C13orf46: variants seen among roughly 807,000 people sequenced by gnomAD.
C13orf46 encodes uncharacterized protein C13orf46.
intron 6 of C13orf46, among the ~76,000 whole-genome samples, chr13:113,963,039 A>C (rs1268408346): frequency 1.3e-5 from 2 of 152,190 alleles, no homozygotes; most frequent in Non-Finnish European, 2.9e-5. Flanking sequence ...TAGCGCAGGT[A>C]GGGCTGTCAT....
the C13orf46 span, among the ~76,000 whole-genome samples, chr13:113,938,391 A>C: frequency 6.6e-6 from 1 of 152,162 alleles, no homozygotes; most frequent in Non-Finnish European, 1.5e-5. Flanking sequence ...CTGGTGGAGA[A>C]GCCACTGCTT....
At chr13:113,939,097 G>C in the C13orf46 span, among the ~76,000 whole-genome samples, 1 of 152,146 alleles carries the variant, frequency 6.6e-6, no homozygotes, top group African/African-American at 2.4e-5. Flanking sequence ...AATTCAGGTC[G>C]GACTCATCTC....
the C13orf46 span, among the ~76,000 whole-genome samples, chr13:113,930,172 C>A: frequency 6.6e-6 from 1 of 152,224 alleles, no homozygotes; most frequent in Admixed American, 6.5e-5. Context: ...AGGAATGTGA[C>A]TGTGCCTGGA....
the C13orf46 span, among the ~76,000 whole-genome samples, chr13:113,938,014 C>T: frequency 6.6e-6 from 1 of 152,138 alleles, no homozygotes; most frequent in Non-Finnish European, 1.5e-5. Flanking sequence ...TTCCCTTACT[C>T]AGGAATAGAA....
intron 5 of C13orf46, among the ~76,000 whole-genome samples, chr13:113,966,780 T>C (rs2052654815): frequency 6.6e-6 from 1 of 151,942 alleles, no homozygotes; most frequent in Non-Finnish European, 1.5e-5. Context: ...ATGCTGAGGA[T>C]AGTAATGGTG....
the C13orf46 span, among the ~76,000 whole-genome samples, chr13:113,935,406 C>T: frequency 3.3e-5 from 5 of 152,362 alleles, no homozygotes; most frequent in South Asian, 2.1e-4. Context: ...TGTTTGCTTC[C>T]GGCTGTGAAG....
At chr13:113,945,883 A>G in the C13orf46 span, among the ~76,000 whole-genome samples, 1 of 152,178 alleles carries the variant, frequency 6.6e-6, no homozygotes, top group Non-Finnish European at 1.5e-5. Flanking sequence ...ACAGGAGGTC[A>G]GCCAGGGGAA....
the C13orf46 span, among the ~76,000 whole-genome samples, chr13:113,929,183 T>C: frequency 0.071 from 10,836 of 152,294 alleles, 522 homozygotes; most frequent in African/African-American, 0.13. Flanking sequence ...CAACCCTGTT[T>C]CTCAGTGCTA....
At chr13:113,946,924 G>A in the C13orf46 span, among the ~76,000 whole-genome samples, 1 of 152,258 alleles carries the variant, frequency 6.6e-6, no homozygotes, top group Non-Finnish European at 1.5e-5. Flanking sequence ...GGAAGGCCTG[G>A]CACCCTTGGG....
chr13:113,932,229 A>G, the C13orf46 span, among the ~76,000 whole-genome samples: 1 of 152,238 alleles, frequency 6.6e-6, no homozygotes, highest in Non-Finnish European at 1.5e-5. Context: ...TTTACGACAC[A>G]GTCTTTCTGT....
intron 5 of C13orf46, among the ~76,000 whole-genome samples, chr13:113,966,375 T>C (rs2052648002): frequency 8.3e-6 from 1 of 120,932 alleles, no homozygotes; most frequent in Admixed American, 8.2e-5. Context: ...ATGATGGTGA[T>C]GATGATGATG....
At chr13:113,929,057 C>T in the C13orf46 span, among the ~76,000 whole-genome samples, 23 of 152,340 alleles carry the variant, frequency 1.5e-4, no homozygotes, top group East Asian at 7.7e-4. Flanking sequence ...ATAACCGCCA[C>T]GGCCTGGGAG....
intron 2 of C13orf46, among the ~76,000 whole-genome samples, chr13:113,969,514 C>T (rs1052324142): frequency 6.6e-5 from 10 of 152,250 alleles, no homozygotes; most frequent in East Asian, 3.9e-4. Flanking sequence ...CTTCGGCGGC[C>T]GGACACCTTC....
At chr13:113,967,603 T>C (rs1041965735) in intron 4 of C13orf46, among the ~76,000 whole-genome samples, 1 of 152,086 alleles carries the variant, frequency 6.6e-6, no homozygotes, top group Admixed American at 6.5e-5. Flanking sequence ...GGTGCCCATG[T>C]AGGAGAAGGA....
At chr13:113,971,711 C>T (rs911685487) in intron 1 of C13orf46, among the ~76,000 whole-genome samples, 4 of 152,206 alleles carry the variant, frequency 2.6e-5, no homozygotes, top group Admixed American at 6.5e-5. Flanking sequence ...CATCCGGGCA[C>T]CTGTGGGTGC....
At chr13:113,929,409 C>T in the C13orf46 span, among the ~76,000 whole-genome samples, 3 of 152,234 alleles carry the variant, frequency 2.0e-5, no homozygotes, top group Non-Finnish European at 2.9e-5. Context: ...AGGAGCCTGG[C>T]GGGGCTAAGA....
chr13:113,949,320 G>A (rs2052480425), downstream of C13orf46, among the ~76,000 whole-genome samples: 1 of 152,216 alleles, frequency 6.6e-6, no homozygotes, highest in African/African-American at 2.4e-5. Flanking sequence ...CTGAGGGGAT[G>A]TAAAGTTCCC....
intron 5 of C13orf46, among the ~76,000 whole-genome samples, chr13:113,966,614 T>C (rs2052652160): frequency 6.6e-6 from 1 of 151,680 alleles, no homozygotes; most frequent in African/African-American, 2.4e-5. Context: ...ACAGTGATGA[T>C]GGTCATGATA....
At chr13:113,971,844 G>A (rs532890586) in intron 1 of C13orf46, among the ~76,000 whole-genome samples, 2 of 152,176 alleles carry the variant, frequency 1.3e-5, no homozygotes, top group Non-Finnish European at 2.9e-5. Flanking sequence ...CCTTCTCCTC[G>A]GGTCACAGGG....
Sources: allele counts gnomAD v4.1 joint callset (sites outside exome capture counted in the v4.1 genomes callset), GRCh38; gene constraint gnomAD v4.1.1; transcripts MANE v1.5; gene names NCBI Gene and HGNC (gene_info 2026-07-23, HGNC 2026-07-21).